RBFOX1: variants seen among roughly 807,000 people sequenced by gnomAD.
RBFOX1 encodes the protein RNA binding protein fox-1 homolog 1.
In RBFOX1, 8 loss-of-function variants were observed where a neutral mutation model predicts 57.7. The ratio of observed to expected loss-of-function variants is 0.14; its 90% confidence interval spans 0.08 to 0.25. RBFOX1 has a LOEUF of 0.25. Among genes scored for constraint, RBFOX1 ranks in the 10% least tolerant of loss-of-function variants. RBFOX1 has a pLI of 1.00. For missense variants in RBFOX1, 611 were observed against 548.5 expected, an observed-to-expected ratio of 1.11 and a Z score of -1.14; for synonymous variants, 326 against 222.4, an observed-to-expected ratio of 1.47 and a Z score of -4.15.
intron 3 of RBFOX1, among the ~76,000 whole-genome samples, chr16:5,665,786 A>G (rs997837932): frequency 2.6e-5 from 4 of 152,204 alleles, no homozygotes; most frequent in Non-Finnish European, 5.9e-5. Flanking sequence ...GGGTTCGGGC[A>G]CAGTCGTGCT....
At chr16:7,407,858 G>C (rs527865299) in intron 4 of RBFOX1, among the ~76,000 whole-genome samples, 5 of 152,184 alleles carry the variant, frequency 3.3e-5, no homozygotes, top group African/African-American at 1.2e-4. Flanking sequence ...ACCTAATCTG[G>C]CCTGCGGACT....
At chr16:7,247,851 A>T (rs2153002227) in intron 4 of RBFOX1, among the ~76,000 whole-genome samples, 1 of 152,230 alleles carries the variant, frequency 6.6e-6, no homozygotes, top group South Asian at 2.1e-4. Context: ...GGACTCATGG[A>T]CCCATAGAGG....
chr16:7,662,649 G>C (rs1255170473), intron 12 of RBFOX1, among the ~76,000 whole-genome samples: 1 of 152,204 alleles, frequency 6.6e-6, no homozygotes, highest in Non-Finnish European at 1.5e-5. Context: ...AAATTGACGA[G>C]TGGCTCTGAT....
intron 2 of RBFOX1, among the ~76,000 whole-genome samples, chr16:6,572,104 G>C (rs992645019): frequency 6.6e-6 from 1 of 151,936 alleles, no homozygotes; most frequent in African/African-American, 2.4e-5. Flanking sequence ...AGCGTTCCAG[G>C]GTCTCTTTAT....
At chr16:6,687,113 T>C (rs2059549879) in intron 3 of RBFOX1, among the ~76,000 whole-genome samples, 3 of 152,250 alleles carry the variant, frequency 2.0e-5, no homozygotes, top group Admixed American at 2.0e-4. Flanking sequence ...AGGGCTTTTG[T>C]TGTTATTGTT....
At chr16:6,990,830 T>A (rs2091301486) in intron 3 of RBFOX1, among the ~76,000 whole-genome samples, 1 of 152,134 alleles carries the variant, frequency 6.6e-6, no homozygotes, top group Admixed American at 6.6e-5. Flanking sequence ...CAGTGAGTGC[T>A]GATAACAGAA....
chr16:5,641,500 G>C (rs1414965192), intron 3 of RBFOX1, among the ~76,000 whole-genome samples: 1 of 152,226 alleles, frequency 6.6e-6, no homozygotes, highest in Non-Finnish European at 1.5e-5. Context: ...TCTTCCAAGA[G>C]ATAGCTGTTA....
chr16:6,184,569 T>A (rs1393247802), intron 1 of RBFOX1, among the ~76,000 whole-genome samples: 2 of 152,168 alleles, frequency 1.3e-5, no homozygotes, highest in Non-Finnish European at 2.9e-5. Context: ...TTTATTATTC[T>A]TATTATTTTA....
At chr16:7,015,094 T>C (rs2093842024) in intron 3 of RBFOX1, among the ~76,000 whole-genome samples, 1 of 152,212 alleles carries the variant, frequency 6.6e-6, no homozygotes. Context: ...TGGAATAGCA[T>C]AAACTTGGGG....
intron 1 of RBFOX1, among the ~76,000 whole-genome samples, chr16:5,294,205 G>T (rs954672855): frequency 6.6e-6 from 1 of 152,044 alleles, no homozygotes; most frequent in African/African-American, 2.4e-5. Context: ...CTCCAGCCTG[G>T]GTGACAGAAC....
rs74010677 is a variant in RBFOX1, at chr16:7,372,732, A to T, written c.28-145415A>T. Among the ~76,000 whole-genome samples the T allele has an allele frequency of 6.1e-3, 925 of 152,136 alleles. 7 individuals carry two copies. The highest frequency in any genetic ancestry group is 0.021 in the African/African-American group (876 of 41,500). ...ATTGAGGGCTTACAGAAAATTTTTG[A>T]ATCAATATAAAAAGCAGCAATGGGA... On this transcript the variant is annotated intron_variant, in intron 4 of 15. Coordinates refer to ENST00000550418, the MANE Select transcript of RBFOX1 (RefSeq NM_018723.4).
chr16:6,823,310 G>A (rs2091632451), intron 3 of RBFOX1, among the ~76,000 whole-genome samples: 1 of 151,168 alleles, frequency 6.6e-6, no homozygotes, highest in African/African-American at 2.4e-5. Flanking sequence ...TGGCTGGAGT[G>A]CAATGGCATG....
At chr16:7,200,684 A>T (rs760182993) in intron 4 of RBFOX1, among the ~76,000 whole-genome samples, 3 of 152,168 alleles carry the variant, frequency 2.0e-5, no homozygotes, top group Admixed American at 2.0e-4. Flanking sequence ...GTATGCCCCA[A>T]ATTAAAGGAT....
At chr16:5,303,888 C>T (rs1011085617) in intron 1 of RBFOX1, among the ~76,000 whole-genome samples, 2 of 152,134 alleles carry the variant, frequency 1.3e-5, no homozygotes, top group East Asian at 3.9e-4. Context: ...GAGGCCCACA[C>T]CCTGCATATC....
At chr16:6,175,355 G>C (rs1039835387) in intron 1 of RBFOX1, among the ~76,000 whole-genome samples, 29 of 152,210 alleles carry the variant, frequency 1.9e-4, no homozygotes, top group African/African-American at 5.8e-4. Context: ...ATAAATATTT[G>C]GGAAATTTCT....
In RBFOX1 at chr16:7,457,927, A is replaced by T. The variant is rs115612134; in HGVS notation, c.28-60220A>T. Reference sequence around the variant, plus strand: ...ACGTATATTCTCAGTCCCTCCAACAAGCATGATCTTTGTGCCCCAGGACAT... The same window carrying T: ...ACGTATATTCTCAGTCCCTCCAACATGCATGATCTTTGTGCCCCAGGACAT... On this transcript the variant is annotated intron_variant, in intron 4 of 15. Transcript: ENST00000550418. Among the ~76,000 whole-genome samples, 336 of 152,272 alleles carry T rather than the reference A, an allele frequency of 2.2e-3. 2 individuals are homozygous for T. Among genetic ancestry groups the T allele is most frequent in the African/African-American group, 7.7e-3 (322 of 41,564 alleles).
Position 6,789,568 on chromosome 16 carries a change from G to T in RBFOX1, c.-16+134918G>T, listed in dbSNP as rs540506190. On this transcript the variant is annotated intron_variant, in intron 3 of 15. Transcript: ENST00000550418. ...TTGCACTCAATAGGCGCCATTTTCT[G>T]TATCCATAGACAGTGGGGACTGTTT... 3.3e-5 allele frequency among the ~76,000 whole-genome samples: 5 copies of T among 152,282 alleles called. No individual in the cohort carries two copies. The South Asian group carries it at 1.0e-3, about 32-fold the overall frequency.
intron 4 of RBFOX1, among the ~76,000 whole-genome samples, chr16:7,172,054 T>G (rs190389109): frequency 6.9e-6 from 1 of 145,970 alleles, no homozygotes; most frequent in African/African-American, 2.6e-5. Context: ...TCACATGATA[T>G]TGGGCAATTT....
intron 2 of RBFOX1, among the ~76,000 whole-genome samples, chr16:5,469,242 G>C (rs879385195): frequency 2.0e-5 from 3 of 152,154 alleles, no homozygotes; most frequent in African/African-American, 4.8e-5. Flanking sequence ...TCTTTGTGGG[G>C]AGTAACATCC....
Sources: gnomAD v4.1 joint callset for allele counts (sites outside exome capture counted in the v4.1 genomes callset) on GRCh38, gnomAD v4.1.1 for gene constraint, MANE v1.5 for transcripts, NCBI Gene and HGNC (gene_info 2026-07-23, HGNC 2026-07-21) for gene names.